FAM149B1: variants seen among roughly 807,000 people sequenced by gnomAD.
FAM149B1 encodes the protein primary cilium assembly protein FAM149B1.
A neutral mutation model predicts 75.3 loss-of-function variants in FAM149B1; 56 were observed. The ratio of observed to expected loss-of-function variants is 0.74; its 90% CI spans 0.60 to 0.93. The LOEUF (loss-of-function observed/expected upper bound fraction) is 0.93. Ranked by LOEUF, FAM149B1 falls within the 40% of genes least tolerant of loss-of-function variation. The pLI is 0.00. For synonymous variants in FAM149B1, 259 were observed against 256.1 expected, an observed-to-expected ratio of 1.01 and a Z score of -0.11; for missense variants, 639 against 708.4, an observed-to-expected ratio of 0.90 and a Z score of 1.11.
At chr10:73,220,353 A>C (rs748663868) in intron 7 of FAM149B1, among the ~76,000 whole-genome samples, 1 of 152,216 alleles carries the variant, frequency 6.6e-6, no homozygotes, top group Non-Finnish European at 1.5e-5. Context: ...TTGTGGAAAC[A>C]ATTTGGCAGC....
At chr10:73,183,812 A>G (rs2042458033) in intron 3 of FAM149B1, among the ~76,000 whole-genome samples, 1 of 152,224 alleles carries the variant, frequency 6.6e-6, no homozygotes, top group South Asian at 2.1e-4. Context: ...TCTACTACAG[A>G]GGGACACGCT....
intron 5 of FAM149B1, among the ~76,000 whole-genome samples, chr10:73,198,633 C>T (rs2133346737): frequency 6.6e-6 from 1 of 152,190 alleles, no homozygotes; most frequent in African/African-American, 2.4e-5. Flanking sequence ...GGTGAAACCC[C>T]ATCTCCACTA....
intron 7 of FAM149B1, among the ~76,000 whole-genome samples, chr10:73,218,068 G>A (rs977161453): frequency 6.6e-6 from 1 of 152,126 alleles, no homozygotes; most frequent in East Asian, 1.9e-4. Context: ...GAGACAAGTT[G>A]TCTGACCCCA....
chr10:73,212,770 C>T (rs1222498458), intron 7 of FAM149B1, among the ~76,000 whole-genome samples: 1 of 149,174 alleles, frequency 6.7e-6, no homozygotes, highest in African/African-American at 2.5e-5. Context: ...CAACATCAGT[C>T]GTTTTTCATG....
chr10:73,216,711 C>A (rs998900260), intron 7 of FAM149B1, among the ~76,000 whole-genome samples: 3 of 152,170 alleles, frequency 2.0e-5, no homozygotes, highest in Non-Finnish European at 4.4e-5. Flanking sequence ...CCCTCCTCTA[C>A]CAGGTGGCAG....
intron 3 of FAM149B1, among the ~76,000 whole-genome samples, chr10:73,179,913 T>C (rs577577691): frequency 6.6e-6 from 1 of 152,312 alleles, no homozygotes; most frequent in South Asian, 2.1e-4. Context: ...TATATCATAA[T>C]TGGATCTTTC....
intron 12 of FAM149B1, chr10:73,235,595 A>C: frequency 4.2e-6 from 2 of 474,528 alleles, no homozygotes; most frequent in South Asian, 2.7e-5. Flanking sequence ...ATCCCAGTAC[A>C]CATCAGATAA....
At position 73,230,503 on chromosome 10, in the gene FAM149B1, C is replaced by T. The variant is rs2043663382; in HGVS notation, c.1105C>T (p.Leu369Phe). 6.5e-7 allele frequency: 1 copy of T among 1,535,694 alleles called. No homozygotes were observed. Among genetic ancestry groups the T allele is most frequent in the Non-Finnish European group, 8.8e-7 (1 of 1,132,406 alleles). ...TGGAATGCCTCTACAGCCAAGAAAT[C>T]TCTCCCTAATGGACAAGCTCCTGTA... ...VHGMPLQPRN[L>F]SLMDKLLDLD... The change falls in exon 9 of 14, where the codon CTC becomes TTC. Residue 369 changes from leucine (L) to phenylalanine (F), a missense_variant. By Grantham distance (22) the Leu-to-Phe change is conservative. Coordinates refer to ENST00000242505, the MANE Select transcript of FAM149B1 (RefSeq NM_173348.2).
chr10:73,195,521 A>G (rs2042783300), intron 5 of FAM149B1, among the ~76,000 whole-genome samples: 1 of 152,184 alleles, frequency 6.6e-6, no homozygotes. Flanking sequence ...TGTTATTAGG[A>G]TATATCGACC....
At chr10:73,183,517 T>C (rs1442661707) in intron 3 of FAM149B1, 2 of 152,292 alleles carry the variant, frequency 1.3e-5, no homozygotes, top group Non-Finnish European at 2.9e-5. Flanking sequence ...TTCCAAAAAG[T>C]ATAAGGAATA....
At position 73,239,304 on chromosome 10, in the gene FAM149B1, T is replaced by C. The variant is rs941911769; in HGVS notation, c.1603-8T>C. 7.7e-6 allele frequency: 12 copies of C among 1,551,088 alleles called. No individual in the cohort carries two copies. The highest frequency in any genetic ancestry group is 1.0e-5 in the Non-Finnish European group (12 of 1,146,446). ...ATCATAAGAAGTGTCTCCTCTTTTG[T>C]CTTGTAGCTGGATACACAGTATCGT... On this transcript the variant is annotated splice_region_variant and splice_polypyrimidine_tract_variant and intron_variant, in intron 12 of 13. Transcript: ENST00000242505.
In FAM149B1 at chr10:73,192,575, C is replaced by A; in HGVS notation, c.302C>A (p.Thr101Asn). The change falls in exon 4 of 14, where the codon ACT becomes AAT. Residue 101 changes from threonine (T) to asparagine (N), a missense_variant. Transcript: ENST00000242505. ...TTCTAGGAACTCGATCAAAATGCCA[C>A]TGAAAAAGTCCAGACAATGTTCACA... ...WGYGELDQNA[T>N]EKVQTMFTAI... is the part of the protein sequence containing the mutation. The A allele has an allele frequency of 6.4e-7, 1 of 1,551,140 alleles. No individual in the cohort carries two copies.
intron 1 of FAM149B1, among the ~76,000 whole-genome samples, 194 bp downstream of exon 1, chr10:73,168,580 G>GA (rs1438587770): frequency 6.6e-6 from 1 of 152,234 alleles, no homozygotes; most frequent in Admixed American, 6.5e-5. Context: ...CCCTTCGTCT[G>GA]AAATTCCTGA....
At chr10:73,173,788 C>A (rs1336639879) in intron 1 of FAM149B1, among the ~76,000 whole-genome samples, 1 of 152,140 alleles carries the variant, frequency 6.6e-6, no homozygotes, top group Non-Finnish European at 1.5e-5. Flanking sequence ...TTCTAGGCTA[C>A]ATGGTTCATC....
At position 73,243,616 on chromosome 10, in the gene FAM149B1, A is replaced by C; in HGVS notation, c.*2597A>C. ...GGCTGGAAAAGTGGAATAACTACTA[A>C]TGGGTATGGAGTTTTTTTGGAATGG... On this transcript the variant is annotated 3_prime_UTR_variant, in exon 14 of 14. Coordinates refer to ENST00000242505, the MANE Select transcript of FAM149B1 (RefSeq NM_173348.2). 1 of 1,473,204 alleles carries C rather than the reference A, an allele frequency of 6.8e-7. No individual in the cohort carries two copies. Among genetic ancestry groups the C allele is most frequent in the Non-Finnish European group, 9.3e-7 (1 of 1,075,698 alleles). The allele number at this position is 1,473,204 out of a possible 1,614,324, so 91.3% of individuals were successfully genotyped here.
chr10:73,228,244 T>C, intron 8 of FAM149B1, 60 bp downstream of exon 8: 2 of 1,461,924 alleles, frequency 1.4e-6, no homozygotes, highest in Non-Finnish European at 1.9e-6. Context: ...GGAAATTTGC[T>C]CAGAGTTGTT....
chr10:73,240,700 T>C (rs1276988587), intron 13 of FAM149B1, among the ~76,000 whole-genome samples: 2 of 145,242 alleles, frequency 1.4e-5, no homozygotes, highest in Non-Finnish European at 3.0e-5. Flanking sequence ...GGGGACAGAG[T>C]GAGACTCCAC....
rs191660976 is a variant in FAM149B1, at chr10:73,240,569, G to A, written c.1676-377G>A. Among the ~76,000 whole-genome samples, 252 of 152,152 alleles carry A rather than the reference G, an allele frequency of 1.7e-3. 5 individuals are homozygous for A. Among genetic ancestry groups the A allele is most frequent in the East Asian group, 0.015 (80 of 5,166 alleles). On this transcript the variant is annotated intron_variant, in intron 13 of 13. Transcript: ENST00000242505. ...CTACTAAAAATACAAAAAATTAGCC[G>A]GGTGTGGTGGCAGATGCCTGTAGTC...
intron 7 of FAM149B1, among the ~76,000 whole-genome samples, chr10:73,220,419 G>A (rs2043383775): frequency 6.6e-6 from 1 of 152,044 alleles, no homozygotes; most frequent in African/African-American, 2.4e-5. Flanking sequence ...CCACTCCTAG[G>A]TATATAAAAA....
Sources: gnomAD v4.1 joint callset for allele counts (sites outside exome capture counted in the v4.1 genomes callset) on GRCh38, gnomAD v4.1.1 for gene constraint, MANE v1.5 for transcripts, NCBI Gene and HGNC (gene_info 2026-07-23, HGNC 2026-07-21) for gene names.